PTGR3: variants seen among roughly 807,000 people sequenced by gnomAD.
The protein encoded by PTGR3 is zinc binding alcohol dehydrogenase domain containing 2.
At chr18:75,205,153 T>A in the PTGR3 span, 1 of 985,294 alleles carries the variant, frequency 1.0e-6, no homozygotes, top group Non-Finnish European at 1.2e-6. Context: ...CCGCGGCTGG[T>A]GAGGACCCTC....
chr18:75,200,041 C>T, the PTGR3 span: 19 of 152,464 alleles, frequency 1.2e-4, no homozygotes, highest in African/African-American at 4.6e-4. Flanking sequence ...AAATTAAATA[C>T]AGTCCCCAAA....
At chr18:75,198,512 T>G in the PTGR3 span, 1 of 151,952 alleles carries the variant, frequency 6.6e-6, no homozygotes, top group Non-Finnish European at 1.5e-5. Context: ...TTGCAAACTA[T>G]TCCCTGAATT....
the PTGR3 span, chr18:75,208,281 G>A: frequency 1.0e-6 from 1 of 961,980 alleles, no homozygotes; most frequent in Admixed American, 6.2e-5. Context: ...ACACTGCACT[G>A]ACAGCACGCA....
the PTGR3 span, chr18:75,196,643 A>G: frequency 6.7e-6 from 1 of 150,034 alleles, no homozygotes; most frequent in Admixed American, 6.7e-5. Context: ...AAAAAAAAAA[A>G]AAAAAAAAAA....
At chr18:75,197,003 A>G in the PTGR3 span, 1 of 152,202 alleles carries the variant, frequency 6.6e-6, no homozygotes, top group Admixed American at 6.5e-5. Context: ...TTGATCTGAT[A>G]CATATTATTA....
At chr18:75,206,867 C>T in the PTGR3 span, among the ~76,000 whole-genome samples, 1 of 152,332 alleles carries the variant, frequency 6.6e-6, no homozygotes, top group Admixed American at 6.5e-5. Flanking sequence ...GCGTTCTGAC[C>T]ACAAAATTCA....
the PTGR3 span, chr18:75,208,991 T>C: frequency 1.9e-6 from 3 of 1,594,638 alleles, no homozygotes; most frequent in Non-Finnish European, 2.6e-6. Context: ...GCCCTGGAAG[T>C]CCAGGAAGTG....
At chr18:75,201,896 ACAGCCAAGAG>A in the PTGR3 span, 15 of 1,614,254 alleles carry the variant, frequency 9.3e-6, no homozygotes, top group Non-Finnish European at 1.3e-5. Context: ...TAGGACGATC[ACAGCCAAGAG>A]ATTTCAGAAA....
the PTGR3 span, among the ~76,000 whole-genome samples, chr18:75,206,087 T>TGA: frequency 1.3e-5 from 2 of 152,200 alleles, no homozygotes; most frequent in Non-Finnish European, 2.9e-5. Context: ...TTCTAAGGAC[T>TGA]GAGCATAGAG....
chr18:75,198,314 T>A, the PTGR3 span: 1 of 152,206 alleles, frequency 6.6e-6, no homozygotes, highest in Non-Finnish European at 1.5e-5. Flanking sequence ...GTTCCTCAAG[T>A]ACATAATGCA....
chr18:75,202,443 TGC>T, the PTGR3 span: 3 of 1,022,190 alleles, frequency 2.9e-6, no homozygotes, highest in Non-Finnish European at 4.3e-6. Flanking sequence ...CTGGAGGGGT[TGC>T]TAAGCTATAC....
chr18:75,205,610 A>G, the PTGR3 span: 1 of 525,846 alleles, frequency 1.9e-6, no homozygotes, highest in Non-Finnish European at 2.4e-6. Context: ...CGCAGGGGAG[A>G]GGAACGCTTT....
the PTGR3 span, among the ~76,000 whole-genome samples, chr18:75,206,791 A>T: frequency 6.6e-6 from 1 of 152,226 alleles, no homozygotes; most frequent in South Asian, 2.1e-4. Context: ...TGTGCAGGGA[A>T]AAAAGAGGCA....
At chr18:75,201,714 G>A in the PTGR3 span, 1 of 1,614,250 alleles carries the variant, frequency 6.2e-7, no homozygotes, top group Non-Finnish European at 8.5e-7. Flanking sequence ...CGAAAGGCCA[G>A]TAGGAGTTTG....
chr18:75,201,761 T>G, the PTGR3 span: 1 of 1,614,114 alleles, frequency 6.2e-7, no homozygotes, highest in South Asian at 1.1e-5. Flanking sequence ...TCAAGCGCCC[T>G]TTCGTAGCCA....
At chr18:75,208,379 G>A in the PTGR3 span, 2 of 987,726 alleles carry the variant, frequency 2.0e-6, no homozygotes, top group Non-Finnish European at 2.4e-6. Flanking sequence ...AACAGGGAAA[G>A]CCAGCCGGGT....
chr18:75,206,331 G>GA, the PTGR3 span, among the ~76,000 whole-genome samples: 4 of 151,774 alleles, frequency 2.6e-5, no homozygotes, highest in Admixed American at 1.3e-4. Context: ...TTCACTGAAA[G>GA]AAAAAAAATC....
chr18:75,201,898 A>G, the PTGR3 span: 1 of 1,614,212 alleles, frequency 6.2e-7, no homozygotes, highest in Non-Finnish European at 8.5e-7. Context: ...GGACGATCAC[A>G]GCCAAGAGAT....
At chr18:75,203,258 A>G in the PTGR3 span, among the ~76,000 whole-genome samples, 1 of 152,300 alleles carries the variant, frequency 6.6e-6, no homozygotes, top group South Asian at 2.1e-4. Flanking sequence ...ATATCCTGAT[A>G]CATAGGAGGA....
Sources: gnomAD v4.1 joint callset for allele counts (sites outside exome capture counted in the v4.1 genomes callset) on GRCh38, gnomAD v4.1.1 for gene constraint, MANE v1.5 for transcripts, NCBI Gene and HGNC (gene_info 2026-07-23, HGNC 2026-07-21) for gene names.